The following EML4 variants were observed in gnomAD, a reference collection of about 807,000 sequenced individuals.
The protein encoded by EML4 is echinoderm microtubule-associated protein-like 4.
EML4 carries 72 observed loss-of-function variants against 129.0 expected under a neutral mutation model. That is an observed-to-expected ratio of 0.56 (90% confidence interval 0.46 to 0.68). The LOEUF (loss-of-function observed/expected upper bound fraction) is 0.68, where lower values mean the gene tolerates loss of function less well. Among genes scored for constraint, EML4 ranks in the 30% least tolerant of loss-of-function variants. EML4 has a pLI of 0.00. For synonymous variants in EML4, 532 were observed against 405.0 expected (o/e 1.31, Z -3.77); for missense variants, 1,363 against 1,190.6 (o/e 1.14, Z -2.13).
intron 2 of EML4, among the ~76,000 whole-genome samples, chr2:42,253,605 G>A (rs1330774553): frequency 6.6e-6 from 1 of 152,130 alleles, no homozygotes; most frequent in Non-Finnish European, 1.5e-5. Context: ...GAGAAATTTG[G>A]TAGTGAAGAT....
chr2:42,270,963 A>T (rs1666328720), intron 6 of EML4, among the ~76,000 whole-genome samples: 1 of 152,088 alleles, frequency 6.6e-6, no homozygotes, highest in African/African-American at 2.4e-5. Flanking sequence ...TAGAATGATC[A>T]CAGCTCACTG....
chr2:42,235,339 A>T (rs11124865), intron 1 of EML4, among the ~76,000 whole-genome samples: 38,272 of 150,050 alleles, frequency 0.26, 5,806 homozygotes, highest in East Asian at 0.56. Context: ...GTGCACCTGT[A>T]ATCCCAGCTA....
chr2:42,260,187 A>G (rs532089071), intron 3 of EML4, among the ~76,000 whole-genome samples: 1 of 151,272 alleles, frequency 6.6e-6, no homozygotes, highest in East Asian at 2.0e-4. Context: ...TTGTTTTTTG[A>G]GATGGAGTCT....
chr2:42,171,803 C>T (rs1187429260), intron 1 of EML4, among the ~76,000 whole-genome samples: 1 of 152,134 alleles, frequency 6.6e-6, no homozygotes, highest in African/African-American at 2.4e-5. Context: ...TCTGTGCTTT[C>T]TCTTTCTGTC....
intron 1 of EML4, among the ~76,000 whole-genome samples, chr2:42,216,455 C>G (rs1673198603): frequency 6.6e-6 from 1 of 151,678 alleles, no homozygotes; most frequent in Non-Finnish European, 1.5e-5. Flanking sequence ...CTTGGCCAGG[C>G]TGGTCTTGAA....
At chr2:42,255,036 G>A (rs536214241) in intron 2 of EML4, among the ~76,000 whole-genome samples, 2 of 151,776 alleles carry the variant, frequency 1.3e-5, no homozygotes, top group South Asian at 4.2e-4. Flanking sequence ...TTCTTTGGAG[G>A]GTAGGGTACA....
chr2:42,249,902 A>C (rs536367196), intron 2 of EML4, among the ~76,000 whole-genome samples: 6 of 152,192 alleles, frequency 3.9e-5, no homozygotes, highest in Admixed American at 2.6e-4. Flanking sequence ...TATATGCACC[A>C]GTTGCAGCTG....
At chr2:42,251,181 C>G (rs1347860365) in intron 2 of EML4, among the ~76,000 whole-genome samples, 1 of 152,170 alleles carries the variant, frequency 6.6e-6, no homozygotes, top group Admixed American at 6.5e-5. Context: ...TTGGGGACCC[C>G]TGGTATAGTC....
intron 1 of EML4, among the ~76,000 whole-genome samples, chr2:42,230,648 C>T (rs1318141776): frequency 6.6e-6 from 1 of 152,140 alleles, no homozygotes; most frequent in Non-Finnish European, 1.5e-5. Context: ...TCAGGCGATC[C>T]CTCCACCTCA....
intron 10 of EML4, among the ~76,000 whole-genome samples, chr2:42,287,392 C>T (rs1249748433): frequency 6.6e-6 from 1 of 152,082 alleles, no homozygotes; most frequent in Admixed American, 6.5e-5. Context: ...TGTTGATAAC[C>T]ATTGTTACGG....
chr2:42,226,044 T>C (rs1280971793), intron 1 of EML4, among the ~76,000 whole-genome samples: 1 of 151,938 alleles, frequency 6.6e-6, no homozygotes, highest in Non-Finnish European at 1.5e-5. Context: ...GTGCAAAAAA[T>C]GTGTTACTCA....
chr2:42,285,362 A>C (rs921893262), intron 9 of EML4, among the ~76,000 whole-genome samples: 3 of 152,188 alleles, frequency 2.0e-5, no homozygotes, highest in African/African-American at 7.2e-5. Flanking sequence ...ATGTATGACT[A>C]TACTCATGAC....
At chr2:42,305,338 A>C (rs1203326307) in intron 17 of EML4, among the ~76,000 whole-genome samples, 1 of 152,246 alleles carries the variant, frequency 6.6e-6, no homozygotes. Flanking sequence ...GAGGGAGTGC[A>C]GTTGCAAAAT....
chr2:42,329,211 A>C (rs969534014), intron 22 of EML4, among the ~76,000 whole-genome samples, 195 bp downstream of exon 22: 1 of 152,200 alleles, frequency 6.6e-6, no homozygotes, highest in Non-Finnish European at 1.5e-5. Context: ...AGGAGAAGTG[A>C]GCTGTAGAAA....
intron 1 of EML4, among the ~76,000 whole-genome samples, chr2:42,176,562 G>C (rs1053852304): frequency 3.9e-5 from 6 of 152,028 alleles, no homozygotes; most frequent in African/African-American, 1.4e-4. Flanking sequence ...TTTTCATCCT[G>C]ATGACTATTC....
intron 1 of EML4, among the ~76,000 whole-genome samples, chr2:42,215,735 A>T (rs977374306): frequency 1.4e-4 from 22 of 152,158 alleles, no homozygotes; most frequent in African/African-American, 5.1e-4. Context: ...CCAAACCTTA[A>T]AGGACGGTTA....
chr2:42,280,305 A>C (rs547663215), intron 6 of EML4, among the ~76,000 whole-genome samples: 3 of 152,302 alleles, frequency 2.0e-5, no homozygotes, highest in African/African-American at 7.2e-5. Flanking sequence ...AATTATTCTC[A>C]GTTAAGGAAA....
At chr2:42,258,229 C>G (rs949774516) in intron 3 of EML4, among the ~76,000 whole-genome samples, 1 of 152,054 alleles carries the variant, frequency 6.6e-6, no homozygotes, top group African/African-American at 2.4e-5. Flanking sequence ...CCACATAAAA[C>G]TAGTGACCTC....
chr2:42,249,252 AAGT>A (rs1480593092), intron 2 of EML4, among the ~76,000 whole-genome samples: 5 of 151,406 alleles, frequency 3.3e-5, no homozygotes, highest in African/African-American at 1.2e-4. Flanking sequence ...TTTAATTAAA[AAGT>A]AAAGTCATTT....
Sources: allele counts gnomAD v4.1 joint callset (sites outside exome capture counted in the v4.1 genomes callset), GRCh38; gene constraint gnomAD v4.1.1; transcripts MANE v1.5; gene names NCBI Gene and HGNC (gene_info 2026-07-23, HGNC 2026-07-21).